GRHL2: variants seen among roughly 807,000 people sequenced by gnomAD.
GRHL2 encodes grainyhead like transcription factor 2.
A neutral mutation model predicts 83.8 loss-of-function variants in GRHL2; 21 were observed. That is an observed-to-expected ratio of 0.25 (90% CI 0.18 to 0.36). GRHL2 has a LOEUF of 0.36. GRHL2 is among the 10% of genes least tolerant of loss of function. GRHL2 has a pLI of 1.00. For synonymous variants in GRHL2, 280 were observed against 278.9 expected (o/e 1.00, Z -0.04); for missense variants, 623 against 781.8 (o/e 0.80, Z 2.42).
intron 1 of GRHL2, among the ~76,000 whole-genome samples, chr8:101,498,860 G>T (rs11991908): frequency 0.17 from 25,966 of 151,950 alleles, 3,554 homozygotes; most frequent in African/African-American, 0.38. Flanking sequence ...CGGATCACGA[G>T]GTCAGGAGAT....
chr8:101,591,242 T>G (rs1812275291), intron 7 of GRHL2, among the ~76,000 whole-genome samples: 1 of 152,190 alleles, frequency 6.6e-6, no homozygotes, highest in Non-Finnish European at 1.5e-5. Context: ...CACAAAGCAT[T>G]GCACTTTCAC....
At chr8:101,504,620 A>T (rs1810297577) in intron 1 of GRHL2, among the ~76,000 whole-genome samples, 1 of 151,856 alleles carries the variant, frequency 6.6e-6, no homozygotes, top group Non-Finnish European at 1.5e-5. Flanking sequence ...AACAAAAGGT[A>T]GTTGTAGGCA....
Position 101,521,319 on chromosome 8 carries a change from G to A in GRHL2, c.21-21922G>A, listed in dbSNP as rs191262268. On this transcript the variant is annotated intron_variant, in intron 1 of 15. Coordinates refer to ENST00000646743, the MANE Select transcript of GRHL2 (RefSeq NM_024915.4). ...TTTGGTAGTCCTACCACACATGATC[G>A]CTGGCTGGAAGCAGCCCATGGCGAA... 1.1e-3 allele frequency among the ~76,000 whole-genome samples: 163 copies of A among 152,240 alleles called. 2 individuals are homozygous for A. The highest frequency in any genetic ancestry group is 3.4e-3 in the African/African-American group (143 of 41,544).
chr8:101,503,288 A>T (rs1810270246), intron 1 of GRHL2, among the ~76,000 whole-genome samples: 1 of 152,210 alleles, frequency 6.6e-6, no homozygotes, highest in Non-Finnish European at 1.5e-5. Context: ...TTGGAAAATA[A>T]TTTTAAAAAG....
At chr8:101,658,709 CA>C (rs1203982707) in intron 14 of GRHL2, among the ~76,000 whole-genome samples, 1 of 152,136 alleles carries the variant, frequency 6.6e-6, no homozygotes, top group African/African-American at 2.4e-5. Context: ...TCTTTAGGAA[CA>C]GGGGGAACTA....
chr8:101,639,722 A>G (rs1485529401), intron 12 of GRHL2, among the ~76,000 whole-genome samples: 1 of 152,246 alleles, frequency 6.6e-6, no homozygotes, highest in Non-Finnish European at 1.5e-5. Flanking sequence ...TGACAAGCCC[A>G]GATGAGTGTG....
intron 3 of GRHL2, among the ~76,000 whole-genome samples, chr8:101,554,720 C>T (rs1033072428): frequency 1.3e-5 from 2 of 152,156 alleles, no homozygotes; most frequent in African/African-American, 4.8e-5. Context: ...ATAACAGAAT[C>T]TCAATGACAT....
Position 101,518,986 on chromosome 8 carries a change from T to A in GRHL2, c.21-24255T>A, listed in dbSNP as rs150903487. 5.0e-3 allele frequency among the ~76,000 whole-genome samples: 756 copies of A among 152,300 alleles called. 9 individuals are homozygous for A. Among genetic ancestry groups the A allele is most frequent in the African/African-American group, 0.017 (709 of 41,558 alleles). Reference sequence around the variant, plus strand: ...GCCTCGTCTGTTGGAATGTATGACATGGGGCTGTGCAGTTGACAAATTTTT... The same window carrying A: ...GCCTCGTCTGTTGGAATGTATGACAAGGGGCTGTGCAGTTGACAAATTTTT... On this transcript the variant is annotated intron_variant, in intron 1 of 15. Coordinates refer to ENST00000646743, the MANE Select transcript of GRHL2 (RefSeq NM_024915.4).
At chr8:101,586,061 G>GTTTTTTTTTTTTTTTTTTTTTT (rs1563593697) in intron 7 of GRHL2, among the ~76,000 whole-genome samples, 1 of 46,572 alleles carries the variant, frequency 2.1e-5, no homozygotes, top group African/African-American at 6.5e-5. Context: ...TCCACCTCAT[G>GTTTTTTTTTTTTTTTTTTTTTT]TTTCTTTTTT....
At chr8:101,673,092 C>A (rs1156939494), downstream of GRHL2, among the ~76,000 whole-genome samples, 2 of 150,900 alleles carry the variant, frequency 1.3e-5, no homozygotes, top group Non-Finnish European at 3.0e-5. Context: ...CCAGCCGCTG[C>A]AAAATCATGC....
chr8:101,614,262 C>T (rs531629922), intron 8 of GRHL2, among the ~76,000 whole-genome samples: 12 of 151,048 alleles, frequency 7.9e-5, no homozygotes, highest in Middle Eastern at 3.5e-3. Flanking sequence ...TGTTATGAGA[C>T]TGCTTCTATT....
chr8:101,498,277 C>T (rs533714920), intron 1 of GRHL2, among the ~76,000 whole-genome samples: 1 of 152,258 alleles, frequency 6.6e-6, no homozygotes, highest in Non-Finnish European at 1.5e-5. Context: ...TGCTGCCACG[C>T]TCGGCTGATT....
At chr8:101,583,330 A>G (rs115881943) in intron 7 of GRHL2, among the ~76,000 whole-genome samples, 467 of 152,370 alleles carry the variant, frequency 3.1e-3, no homozygotes, top group African/African-American at 0.01. Flanking sequence ...CAAAGGAGAA[A>G]TACAAAGTTA....
chr8:101,613,533 A>T (rs1015835404), intron 8 of GRHL2, among the ~76,000 whole-genome samples: 1 of 150,940 alleles, frequency 6.6e-6, no homozygotes, highest in Non-Finnish European at 1.5e-5. Flanking sequence ...AAAAAAATAG[A>T]TGGTTACCCA....
chr8:101,664,921 C>T (rs1675215574), intron 15 of GRHL2, among the ~76,000 whole-genome samples: 1 of 152,038 alleles, frequency 6.6e-6, no homozygotes, highest in African/African-American at 2.4e-5. Flanking sequence ...TAGGGGATTC[C>T]TCTAAGGTAA....
chr8:101,650,310 CTT>C (rs1298622770), intron 14 of GRHL2, among the ~76,000 whole-genome samples: 1 of 152,106 alleles, frequency 6.6e-6, no homozygotes, highest in African/African-American at 2.4e-5. Context: ...TTGGGATACT[CTT>C]TTTTGAGCTT....
intron 1 of GRHL2, among the ~76,000 whole-genome samples, chr8:101,506,671 G>A (rs904518988): frequency 1.3e-5 from 2 of 152,254 alleles, no homozygotes; most frequent in Non-Finnish European, 1.5e-5. Context: ...ATTTCTGGAA[G>A]TATAAGAACA....
chr8:101,618,197 C>T (rs889284170), intron 8 of GRHL2, among the ~76,000 whole-genome samples: 3 of 152,152 alleles, frequency 2.0e-5, no homozygotes, highest in African/African-American at 4.8e-5. Flanking sequence ...TAAATGGTAT[C>T]AATGGACTGC....
downstream of GRHL2, among the ~76,000 whole-genome samples, chr8:101,671,790 T>C (rs28761313): frequency 0.28 from 41,972 of 151,904 alleles, 6,307 homozygotes; most frequent in African/African-American, 0.38. Context: ...CATCCCCTAG[T>C]AGGGGCAGAC....
Sources: gnomAD v4.1 joint callset for allele counts (sites outside exome capture counted in the v4.1 genomes callset) on GRCh38, gnomAD v4.1.1 for gene constraint, MANE v1.5 for transcripts, NCBI Gene and HGNC (gene_info 2026-07-23, HGNC 2026-07-21) for gene names.